ITGA9: variants seen among roughly 807,000 people sequenced by gnomAD.
ITGA9 encodes the protein integrin alpha-9.
In ITGA9, 56 loss-of-function variants were observed where a neutral mutation model predicts 127.8. The observed-to-expected ratio is 0.44, with a 90% CI of 0.35 to 0.55. ITGA9 has a LOEUF of 0.55. Among genes scored for constraint, ITGA9 ranks in the 20% least tolerant of loss-of-function variants. ITGA9 has a pLI of 0.00. For missense variants in ITGA9, 1,196 were observed against 1,347.1 expected (o/e 0.89, Z 1.76); for synonymous variants, 508 against 514.5 (o/e 0.99, Z 0.17).
chr3:37,459,907 G>C (rs948062518), intron 1 of ITGA9, among the ~76,000 whole-genome samples: 4 of 152,140 alleles, frequency 2.6e-5, no homozygotes, highest in Non-Finnish European at 5.9e-5. Context: ...GCTACTCTTG[G>C]GGGGATGCTA....
intron 18 of ITGA9, among the ~76,000 whole-genome samples, chr3:37,706,932 T>A (rs1017537894): frequency 6.6e-6 from 1 of 152,128 alleles, no homozygotes; most frequent in Non-Finnish European, 1.5e-5. Flanking sequence ...TAAGTACAGA[T>A]GAAGAAGTAA....
chr3:37,463,817 G>A (rs1363966037), intron 1 of ITGA9, among the ~76,000 whole-genome samples: 2 of 152,090 alleles, frequency 1.3e-5, no homozygotes, highest in African/African-American at 4.8e-5. Flanking sequence ...ATAAATTCCT[G>A]CCCAGCGCAC....
intron 25 of ITGA9, among the ~76,000 whole-genome samples, chr3:37,783,005 G>A (rs1277404315): frequency 1.3e-5 from 2 of 152,102 alleles, no homozygotes; most frequent in Non-Finnish European, 2.9e-5. Flanking sequence ...CTGGCATGGT[G>A]GTGGGCACCT....
Position 37,728,898 on chromosome 3 carries a change from T to C in ITGA9, c.2068-3814T>C, listed in dbSNP as rs1273243510. Among the ~76,000 whole-genome samples the C allele has an allele frequency of 3.3e-5, 5 of 151,832 alleles. No homozygotes were observed. The East Asian group carries it at 7.8e-4, about 24-fold the overall frequency. On this transcript the variant is annotated intron_variant, in intron 18 of 27. Coordinates refer to ENST00000264741, the MANE Select transcript of ITGA9 (RefSeq NM_002207.3). ...AGGAGGGGAAGAAACCAAACAGGCA[T>C]GTGGGCTCAGCTGGAGTCTGCTTCA...
intron 1 of ITGA9, among the ~76,000 whole-genome samples, chr3:37,460,419 G>A (rs1271153293): frequency 6.6e-6 from 1 of 152,150 alleles, no homozygotes; most frequent in Admixed American, 6.5e-5. Context: ...TAATTTGATT[G>A]TAGTTTAAAA....
At position 37,821,540 on chromosome 3, in the gene ITGA9, C is replaced by G. The variant is rs1386968610; in HGVS notation, c.*2551C>G. The G allele has an allele frequency of 1.3e-5, 2 of 152,138 alleles. No individual in the cohort carries two copies. The highest frequency in any genetic ancestry group is 6.5e-5 in the Admixed American group (1 of 15,280). The allele number at this position is 152,138 out of a possible 1,614,324, so 9.4% of individuals were successfully genotyped here. Reference sequence around the variant, plus strand: ...CATTTAGGATTCTTAGGTGATATTTCTGGAACAGCACCATCAACAGCTTTG... The same window carrying G: ...CATTTAGGATTCTTAGGTGATATTTGTGGAACAGCACCATCAACAGCTTTG... On this transcript the variant is annotated 3_prime_UTR_variant, in exon 28 of 28. Transcript: ENST00000264741.
intron 17 of ITGA9, among the ~76,000 whole-genome samples, chr3:37,662,376 C>G (rs1190281938): frequency 6.8e-6 from 1 of 147,532 alleles, no homozygotes; most frequent in Non-Finnish European, 1.5e-5. Context: ...GCACTCCAGC[C>G]TGGGTGACCG....
chr3:37,625,824 T>G (rs1369566517), intron 15 of ITGA9, among the ~76,000 whole-genome samples: 1 of 152,186 alleles, frequency 6.6e-6, no homozygotes, highest in Non-Finnish European at 1.5e-5. Flanking sequence ...GCTGTCCTTT[T>G]GGGGGTGTTG....
intron 23 of ITGA9, among the ~76,000 whole-genome samples, chr3:37,772,754 C>T (rs1696859497): frequency 6.6e-6 from 1 of 152,308 alleles, no homozygotes; most frequent in South Asian, 2.1e-4. Context: ...TTCAGAAAAA[C>T]GTTGCTTTCC....
chr3:37,793,186 A>G (rs1322135086), intron 26 of ITGA9, among the ~76,000 whole-genome samples: 1 of 151,712 alleles, frequency 6.6e-6, no homozygotes, highest in Non-Finnish European at 1.5e-5. Context: ...CTCAGGGGTG[A>G]GGTTCCTGGA....
chr3:37,600,841 C>T (rs1699916235), intron 15 of ITGA9, among the ~76,000 whole-genome samples: 1 of 152,218 alleles, frequency 6.6e-6, no homozygotes, highest in South Asian at 2.1e-4. Context: ...ACCCCCAACC[C>T]CATGTGTGCA....
chr3:37,721,530 T>C (rs372664295), intron 18 of ITGA9, among the ~76,000 whole-genome samples: 62 of 152,352 alleles, frequency 4.1e-4, no homozygotes, highest in East Asian at 3.1e-3. Flanking sequence ...TTTTTTAAGC[T>C]TGGAAAGAAC....
chr3:37,627,994 G>A (rs1172440986), intron 15 of ITGA9, among the ~76,000 whole-genome samples: 2 of 152,152 alleles, frequency 1.3e-5, no homozygotes. Context: ...CTCCCCGTGT[G>A]CCTCCTGGGG....
chr3:37,562,462 G>GC (rs1256407536), intron 15 of ITGA9, among the ~76,000 whole-genome samples: 2 of 152,022 alleles, frequency 1.3e-5, no homozygotes, highest in Non-Finnish European at 2.9e-5. Flanking sequence ...TTCTAACCAT[G>GC]CCCCCTCCCC....
intron 1 of ITGA9, among the ~76,000 whole-genome samples, chr3:37,456,863 G>A (rs1055819500): frequency 3.9e-5 from 6 of 152,370 alleles, no homozygotes; most frequent in Non-Finnish European, 5.9e-5. Flanking sequence ...ATATTGGTAT[G>A]TAAATTAACT....
At chr3:37,520,538 G>A (rs142089223) in intron 11 of ITGA9, among the ~76,000 whole-genome samples, 1 of 152,332 alleles carries the variant, frequency 6.6e-6, no homozygotes, top group African/African-American at 2.4e-5. Flanking sequence ...TTGCAAAAAG[G>A]AACGCTCGGA....
At position 37,597,335 on chromosome 3, in the gene ITGA9, G is replaced by T. The variant is rs757437389; in HGVS notation, c.1690-31852G>T. Among the ~76,000 whole-genome samples the T allele has an allele frequency of 8.5e-5, 13 of 152,140 alleles. No homozygotes were observed. Among genetic ancestry groups the T allele is most frequent in the Non-Finnish European group, 1.5e-4 (10 of 68,048 alleles). On this transcript the variant is annotated intron_variant, in intron 15 of 27. Transcript: ENST00000264741. The surrounding 1 kb of genome is among the most constrained non-coding windows in gnomAD (Gnocchi z 4.6). ...AAGGGTTAAGGGTGTGCAAGAGAGT[G>T]CAATCAGTATTGCATTTCAGCAGAT...
chr3:37,599,571 G>A lies in ITGA9; in HGVS notation c.1690-29616G>A, dbSNP rs115958246. Among the ~76,000 whole-genome samples the A allele has an allele frequency of 3.0e-3, 453 of 152,332 alleles. 5 individuals carry two copies. The highest frequency in any genetic ancestry group is 0.01 in the African/African-American group (435 of 41,566). On this transcript the variant is annotated intron_variant, in intron 15 of 27. Coordinates refer to ENST00000264741, the MANE Select transcript of ITGA9 (RefSeq NM_002207.3). The stretch of plus-strand genomic sequence containing the variant: ...GGGAAAATAGCCTCTTCCTGATGAT[G>A]GGAGGAGCTACTGTATCATCTTTTC...
chr3:37,530,647 T>G (rs997117144), intron 13 of ITGA9, among the ~76,000 whole-genome samples: 3 of 151,070 alleles, frequency 2.0e-5, no homozygotes, highest in African/African-American at 7.3e-5. Flanking sequence ...ACTGGTTGTA[T>G]TATTTACCTT....
Sources: allele counts gnomAD v4.1 joint callset (sites outside exome capture counted in the v4.1 genomes callset), GRCh38; gene constraint gnomAD v4.1.1; non-coding constraint Gnocchi (gnomAD v3.1); transcripts MANE v1.5; gene names NCBI Gene and HGNC (gene_info 2026-07-23, HGNC 2026-07-21).